SECISBP2L: variants seen among roughly 807,000 people sequenced by gnomAD.
The protein encoded by SECISBP2L is SECIS binding protein 2 like.
A neutral mutation model predicts 114.7 loss-of-function variants in SECISBP2L; 43 were observed. The ratio of observed to expected loss-of-function variants is 0.38; its 90% CI spans 0.29 to 0.48. The LOEUF is 0.48. Ranked by LOEUF, SECISBP2L falls within the 20% of genes least tolerant of loss-of-function variation. The probability of loss-of-function intolerance (pLI) is 0.98; values close to 1 mark genes in which losing one functional copy is unlikely to be tolerated. For synonymous variants in SECISBP2L, 451 were observed against 439.7 expected (o/e 1.03, Z -0.32); for missense variants, 1,136 against 1,301.1 (o/e 0.87, Z 1.95).
intron 14 of SECISBP2L, among the ~76,000 whole-genome samples, chr15:49,007,716 T>C (rs907037152): frequency 2.0e-5 from 3 of 152,188 alleles, no homozygotes; most frequent in African/African-American, 7.2e-5. Flanking sequence ...GTAGGAAATA[T>C]ATACAATTTC....
Position 48,992,613 on chromosome 15 carries a change from G to A in SECISBP2L, c.2937C>T (p.Thr979=), listed in dbSNP as rs1325753252. ...GCATGCCAGGTACAAGAGTGCTGGT[G>A]GTGCTGGTGATGGAGGAATTCAAAA... The part of the protein sequence containing the change: ...RDLLNSSITS[T]TSTLVPGMLE... Residue 979 remains threonine, a synonymous_variant, in exon 18 of 18, where the codon ACC becomes ACT. Coordinates refer to ENST00000559471, the MANE Select transcript of SECISBP2L (RefSeq NM_001193489.2). The A allele has an allele frequency of 6.2e-7, 1 of 1,614,126 alleles. No homozygotes were observed. Among genetic ancestry groups the A allele is most frequent in the Non-Finnish European group, 8.5e-7 (1 of 1,180,028 alleles).
chr15:49,036,998 G>A lies in SECISBP2L; in HGVS notation c.203+593C>T, dbSNP rs116882980. 2.1e-3 allele frequency among the ~76,000 whole-genome samples: 322 copies of A among 152,198 alleles called. 8 individuals carry two copies. In the East Asian group the frequency reaches 0.058, roughly 27 times the overall value. ...CCATAAAATAAACTATACCAATGAA[G>A]TGCTAATCACTCAGACAGTATAAGC... On this transcript the variant is annotated intron_variant, in intron 2 of 17. Transcript: ENST00000559471.
rs1555387388 is a variant in SECISBP2L at position 49,035,320 on chromosome 15, G to GA, written c.528+13dup. On this transcript the variant is annotated intron_variant, in intron 3 of 17. Transcript: ENST00000559471. ...AATATCAAATTTAAAAGCCAATCAA[G>GA]ACCAGACACTTACTTTTGGGACCAC... The GA allele has an allele frequency of 6.2e-7, 1 of 1,609,012 alleles. No homozygotes were observed. Among genetic ancestry groups the GA allele is most frequent in the African/African-American group, 1.3e-5 (1 of 74,736 alleles).
At position 48,988,656 on chromosome 15, in the gene SECISBP2L, T is replaced by C; in HGVS notation, c.*3588A>G. On this transcript the variant is annotated 3_prime_UTR_variant, in exon 18 of 18. Coordinates refer to ENST00000559471, the MANE Select transcript of SECISBP2L (RefSeq NM_001193489.2). ...GGACAGATTTCATTTCAATAATCAT[T>C]TTATTAGTACAGAAGAATCCCCACT... The C allele has an allele frequency of 2.2e-6, 1 of 456,202 alleles. No homozygotes were observed. The highest frequency in any genetic ancestry group is 1.5e-5 in the South Asian group (1 of 64,534). 28.3% of individuals were successfully genotyped at this position (456,202 alleles called of 1,614,324 possible). A position where few individuals can be genotyped will look rare whatever the true frequency, so the allele number is the denominator to read the frequency against.
Position 49,046,293 on chromosome 15 carries a change from G to T in SECISBP2L, c.7C>A (p.Arg3=). MD[R]APTEQNVKLS... ...CCGCGTACCTGCTCCGTGGGGGCTC[G>T]GTCCATGGTGCCTGCAGCCGCAACG... Residue 3 remains arginine (R), a synonymous_variant, in exon 1 of 18, where the codon CGA becomes AGA. Transcript: ENST00000559471. 1 of 1,553,938 alleles carries T rather than the reference G, an allele frequency of 6.4e-7. No individual in the cohort carries two copies. The highest frequency in any genetic ancestry group is 8.7e-7 in the Non-Finnish European group (1 of 1,151,470).
At chr15:48,999,783 A>T in intron 16 of SECISBP2L, 50 bp downstream of exon 16, 1 of 1,587,302 alleles carries the variant, frequency 6.3e-7, no homozygotes, top group Non-Finnish European at 8.6e-7. Flanking sequence ...AAAATGTGCT[A>T]TCTGGGGGAT....
chr15:49,034,669 G>GTTTTGTTT (rs566718009), intron 3 of SECISBP2L, among the ~76,000 whole-genome samples: 4 of 132,136 alleles, frequency 3.0e-5, no homozygotes, highest in South Asian at 2.4e-4. Flanking sequence ...TATATCTTTT[G>GTTTTGTTT]TTTTTTTTTT....
At chr15:49,023,523 TTC>T (rs1302597097) in intron 7 of SECISBP2L, among the ~76,000 whole-genome samples, 1 of 152,230 alleles carries the variant, frequency 6.6e-6, no homozygotes, top group Non-Finnish European at 1.5e-5. Flanking sequence ...TGAATTTACC[TTC>T]TGACTCAGCA....
intron 3 of SECISBP2L, among the ~76,000 whole-genome samples, chr15:49,034,324 G>A (rs1035807627): frequency 6.6e-5 from 10 of 151,932 alleles, no homozygotes; most frequent in African/African-American, 2.4e-4. Flanking sequence ...CATTAGCTTT[G>A]ACAATAAGGC....
At chr15:49,000,037 C>A in intron 15 of SECISBP2L, 50 bp from the exon 16 acceptor site, 1 of 1,594,068 alleles carries the variant, frequency 6.3e-7, no homozygotes, top group Non-Finnish European at 8.6e-7. Context: ...CTACATGGAG[C>A]TAATTGCACA....
chr15:49,045,369 T>G (rs1903223489), intron 1 of SECISBP2L, among the ~76,000 whole-genome samples: 1 of 152,164 alleles, frequency 6.6e-6, no homozygotes, highest in African/African-American at 2.4e-5. Context: ...AGGCAGAAAT[T>G]ACTAGCCTCT....
intron 11 of SECISBP2L, among the ~76,000 whole-genome samples, chr15:49,014,430 T>C (rs186200808): frequency 6.6e-6 from 1 of 152,318 alleles, no homozygotes; most frequent in Admixed American, 6.5e-5. Context: ...CACTGACTTG[T>C]AACCTAAACT....
intron 14 of SECISBP2L, among the ~76,000 whole-genome samples, chr15:49,007,326 C>T (rs564724409): frequency 2.6e-5 from 4 of 152,344 alleles, no homozygotes; most frequent in African/African-American, 7.2e-5. Flanking sequence ...GAACGCTGTG[C>T]TGGGAGATCC....
intron 7 of SECISBP2L, among the ~76,000 whole-genome samples, chr15:49,026,382 CA>C (rs566231363): frequency 5.1e-4 from 77 of 152,010 alleles, no homozygotes; most frequent in African/African-American, 1.8e-3. Context: ...TGAATGTTCC[CA>C]AAACAAAGAA....
chr15:49,002,898 T>G (rs563249321), intron 14 of SECISBP2L, among the ~76,000 whole-genome samples: 21 of 152,324 alleles, frequency 1.4e-4, no homozygotes, highest in African/African-American at 4.8e-4. Context: ...CCTCCAGCTT[T>G]GTTCTTTTTG....
chr15:49,017,421 C>T (rs2141072649), intron 9 of SECISBP2L, 127 bp downstream of exon 9: 1 of 647,990 alleles, frequency 1.5e-6, no homozygotes, highest in Non-Finnish European at 2.7e-6. Flanking sequence ...AAGATAGGTA[C>T]TAAACACCAT....
At position 49,037,805 on chromosome 15, in the gene SECISBP2L, G is replaced by A. The variant is rs191783918; in HGVS notation, c.25-36C>T. ...AAAGTAGAATACATTAATAACAAAT[G>A]AGCAAGCAACTTCCTACAAATTCAA... On this transcript the variant is annotated intron_variant, in intron 1 of 17. Transcript: ENST00000559471. 30 of 1,535,672 alleles carry A rather than the reference G, an allele frequency of 2.0e-5. No homozygotes were observed. In the Admixed American group the frequency reaches 5.8e-4, roughly 30 times the overall value.
intron 2 of SECISBP2L, among the ~76,000 whole-genome samples, chr15:49,036,700 G>T (rs994032377): frequency 6.6e-6 from 1 of 152,162 alleles, no homozygotes; most frequent in Admixed American, 6.5e-5. Flanking sequence ...CAAGACTCTT[G>T]ATTAACAGCC....
chr15:48,999,939 TG>T lies in SECISBP2L; in HGVS notation c.2296del (p.Gln766LysfsTer14). ...LYNVIAMAREQEIPFVFALGR... is the reference protein window; with the variant it reads ...LYNVIAMAREXEIPFVFALGR... ...AAGGGCAAACACAAAAGGAATTTCT[TG>T]TTCCCGTGCCATGGCTATAACATTA... On this transcript the variant is annotated frameshift_variant, in exon 16 of 18. Coordinates refer to ENST00000559471, the MANE Select transcript of SECISBP2L (RefSeq NM_001193489.2). LOFTEE classifies it high-confidence loss of function. The T allele has an allele frequency of 6.2e-7, 1 of 1,614,010 alleles. No homozygotes were observed. The highest frequency in any genetic ancestry group is 8.5e-7 in the Non-Finnish European group (1 of 1,179,928).
Sources: gnomAD v4.1 joint callset for allele counts (sites outside exome capture counted in the v4.1 genomes callset) on GRCh38, gnomAD v4.1.1 for gene constraint, MANE v1.5 for transcripts, NCBI Gene and HGNC (gene_info 2026-07-23, HGNC 2026-07-21) for gene names.